The following CPPED1 variants were observed in gnomAD, a reference collection of about 807,000 sequenced individuals.
The protein encoded by CPPED1 is serine/threonine-protein phosphatase CPPED1.
In CPPED1, 28 loss-of-function variants were observed where a neutral mutation model predicts 28.0. The observed-to-expected ratio is 1.00, with a 90% CI of 0.74 to 1.37. CPPED1 has a LOEUF of 1.37. Ranked by LOEUF, CPPED1 falls within the 40% of genes most tolerant of loss-of-function variation. The probability of loss-of-function intolerance (pLI) is 0.00; values close to 1 mark genes in which losing one functional copy is unlikely to be tolerated. For missense variants in CPPED1, 504 were observed against 416.5 expected, an observed-to-expected ratio of 1.21 and a Z score of -1.83; for synonymous variants, 198 against 180.2, an observed-to-expected ratio of 1.10 and a Z score of -0.79.
chr16:12,733,353 C>T (rs1260596276), intron 2 of CPPED1, among the ~76,000 whole-genome samples: 2 of 150,600 alleles, frequency 1.3e-5, no homozygotes, highest in African/African-American at 4.9e-5. Context: ...CGGCTCACTG[C>T]AACCTCTGCC....
chr16:12,662,685 T>A lies in CPPED1; in HGVS notation c.*2201A>T, dbSNP rs2079802144. The A allele has an allele frequency of 6.6e-6, 1 of 152,230 alleles. No homozygotes were observed. The highest frequency in any genetic ancestry group is 2.1e-4 in the South Asian group (1 of 4,836). 9.4% of individuals were successfully genotyped at this position (152,230 alleles called of 1,614,324 possible). A position where few individuals can be genotyped will look rare whatever the true frequency, so the allele number is the denominator to read the frequency against. On this transcript the variant is annotated 3_prime_UTR_variant, in exon 4 of 4. Coordinates refer to ENST00000381774, the MANE Select transcript of CPPED1 (RefSeq NM_018340.3). ...CTTAAGATAACAGCCTCCAGTTCCATCCAGGTTGCTGCAAAAGACATGGTT... is the reference window on the plus strand; with the variant it reads ...CTTAAGATAACAGCCTCCAGTTCCAACCAGGTTGCTGCAAAAGACATGGTT...
At chr16:12,785,083 A>G (rs1413913705) in intron 1 of CPPED1, among the ~76,000 whole-genome samples, 1 of 152,198 alleles carries the variant, frequency 6.6e-6, no homozygotes, top group Admixed American at 6.5e-5. Context: ...GGTTCCTGCT[A>G]CAGAAGCTGG....
intron 2 of CPPED1, among the ~76,000 whole-genome samples, chr16:12,775,652 G>C (rs535300500): frequency 1.2e-4 from 19 of 152,204 alleles, no homozygotes; most frequent in Non-Finnish European, 2.4e-4. Flanking sequence ...GGGCAGGGCA[G>C]AGATTCTACA....
At chr16:12,771,780 T>C (rs1439187570) in intron 2 of CPPED1, among the ~76,000 whole-genome samples, 1 of 152,194 alleles carries the variant, frequency 6.6e-6, no homozygotes, top group Non-Finnish European at 1.5e-5. Context: ...GCATTCTTTG[T>C]TCAATGGCTT....
chr16:12,671,133 G>A (rs78769081), intron 3 of CPPED1, among the ~76,000 whole-genome samples: 7,310 of 152,184 alleles, frequency 0.048, 562 homozygotes, highest in African/African-American at 0.17. Context: ...TTACAGGTGT[G>A]AGCCATCGCG....
intron 1 of CPPED1, among the ~76,000 whole-genome samples, 153 bp downstream of exon 1, chr16:12,803,554 G>A (rs921371666): frequency 6.6e-6 from 1 of 152,254 alleles, no homozygotes; most frequent in African/African-American, 2.4e-5. Flanking sequence ...GAATCCCTAA[G>A]AGCAGGCTTT....
chr16:12,705,304 G>A (rs889406512), intron 2 of CPPED1, among the ~76,000 whole-genome samples: 3 of 152,206 alleles, frequency 2.0e-5, no homozygotes, highest in African/African-American at 7.2e-5. Flanking sequence ...GTTGCTGAGT[G>A]ATGGTGTGAA....
Position 12,704,811 on chromosome 16 carries a change from G to T in CPPED1, c.528C>A (p.Ser176Arg), listed in dbSNP as rs773571112. 4 of 1,614,240 alleles carry T rather than the reference G, an allele frequency of 2.5e-6. No individual in the cohort carries two copies. The African/African-American group carries it at 4.0e-5, about 16-fold the overall frequency. Residue 176 changes from serine to arginine, a missense_variant, in exon 3 of 4, where the codon AGC becomes AGA. Transcript: ENST00000381774. Reference sequence around the variant, plus strand: ...GCCACTGGTCCTGAGCCTGCTTCAGGCTGGGGCATTTGGAGGGGTTCTCGT... The same window carrying T: ...GCCACTGGTCCTGAGCCTGCTTCAGTCTGGGGCATTTGGAGGGGTTCTCGT... Reference protein sequence around the residue: ...QFYENPSKCPSLKQAQDQWLD... With the variant: ...QFYENPSKCPRLKQAQDQWLD...
At chr16:12,679,055 G>C (rs972290246) in intron 3 of CPPED1, among the ~76,000 whole-genome samples, 9 of 152,164 alleles carry the variant, frequency 5.9e-5, no homozygotes, top group African/African-American at 1.4e-4. Context: ...ACAAGGATTT[G>C]AGAGTTTGAT....
rs1195434005 is a variant in CPPED1, at chr16:12,663,612, T to C, written c.*1274A>G. 1 of 152,258 alleles carries C rather than the reference T, an allele frequency of 6.6e-6. No individual in the cohort carries two copies. The highest frequency in any genetic ancestry group is 1.5e-5 in the Non-Finnish European group (1 of 68,040). The allele number at this position is 152,258 out of a possible 1,614,324, so 9.4% of individuals were successfully genotyped here. ...ATTTACATATTTAATTATCTTTCCATTTAATTTCCCATGGTTTTGCTACGT... is the reference window on the plus strand; with the variant it reads ...ATTTACATATTTAATTATCTTTCCACTTAATTTCCCATGGTTTTGCTACGT... On this transcript the variant is annotated 3_prime_UTR_variant, in exon 4 of 4. Coordinates refer to ENST00000381774, the MANE Select transcript of CPPED1 (RefSeq NM_018340.3).
chr16:12,697,432 T>A (rs2079997683), intron 3 of CPPED1, among the ~76,000 whole-genome samples: 1 of 152,140 alleles, frequency 6.6e-6, no homozygotes, highest in Admixed American at 6.5e-5. Context: ...AGGCACGCCC[T>A]CCACTGAAGA....
chr16:12,801,026 A>G (rs1241673166), intron 1 of CPPED1, among the ~76,000 whole-genome samples: 1 of 152,178 alleles, frequency 6.6e-6, no homozygotes, highest in Non-Finnish European at 1.5e-5. Context: ...CCCCGCCCCC[A>G]ACTTCCTATT....
At chr16:12,686,955 G>C (rs903672574) in intron 3 of CPPED1, among the ~76,000 whole-genome samples, 1 of 152,016 alleles carries the variant, frequency 6.6e-6, no homozygotes, top group Non-Finnish European at 1.5e-5. Context: ...GATTCAGTAC[G>C]TACACCAGGG....
intron 1 of CPPED1, among the ~76,000 whole-genome samples, chr16:12,794,636 A>C (rs1249010399): frequency 1.3e-5 from 2 of 152,092 alleles, no homozygotes; most frequent in Non-Finnish European, 1.5e-5. Context: ...GTGCATTCCT[A>C]ATCTGTAAAA....
At chr16:12,794,681 G>A (rs2080616472) in intron 1 of CPPED1, among the ~76,000 whole-genome samples, 1 of 152,132 alleles carries the variant, frequency 6.6e-6, no homozygotes, top group Non-Finnish European at 1.5e-5. Context: ...CATGACCTTT[G>A]ATCATCAAGT....
At chr16:12,714,156 A>T (rs2080094439) in intron 2 of CPPED1, among the ~76,000 whole-genome samples, 1 of 152,188 alleles carries the variant, frequency 6.6e-6, no homozygotes, top group South Asian at 2.1e-4. Flanking sequence ...TGAATATATC[A>T]TCATATTTTG....
At chr16:12,698,226 C>T (rs2080002157) in intron 3 of CPPED1, among the ~76,000 whole-genome samples, 1 of 152,108 alleles carries the variant, frequency 6.6e-6, no homozygotes, top group African/African-American at 2.4e-5. Context: ...CCACTATTCA[C>T]CTATTGGGGG....
chr16:12,721,040 T>C (rs565050219), intron 2 of CPPED1, among the ~76,000 whole-genome samples: 54 of 152,322 alleles, frequency 3.5e-4, no homozygotes, highest in African/African-American at 1.3e-3. Context: ...ACAAAGCTTT[T>C]CTTAGGATTT....
At chr16:12,797,317 A>G (rs1233616717) in intron 1 of CPPED1, among the ~76,000 whole-genome samples, 1 of 152,292 alleles carries the variant, frequency 6.6e-6, no homozygotes, top group East Asian at 1.9e-4. Context: ...TTTGGAGGCT[A>G]AGGCAGGAGG....
Sources: allele counts gnomAD v4.1 joint callset (sites outside exome capture counted in the v4.1 genomes callset), GRCh38; gene constraint gnomAD v4.1.1; transcripts MANE v1.5; gene names NCBI Gene and HGNC (gene_info 2026-07-23, HGNC 2026-07-21).